Variants in RALGAPA1 observed in about 807,000 individuals in gnomAD.
The protein encoded by RALGAPA1 is Ral GTPase activating protein catalytic subunit alpha 1.
RALGAPA1 carries 52 observed loss-of-function variants against 269.6 expected under a neutral mutation model. The observed-to-expected ratio is 0.19, with a 90% CI of 0.15 to 0.24. The LOEUF is 0.24. Among genes scored for constraint, RALGAPA1 ranks in the 10% least tolerant of loss-of-function variants. The probability of loss-of-function intolerance (pLI) is 1.00; values close to 1 mark genes in which losing one functional copy is unlikely to be tolerated. For missense variants in RALGAPA1, 1,917 were observed against 3,013.9 expected, an observed-to-expected ratio of 0.64 and a Z score of 8.52; for synonymous variants, 817 against 1,008.3, an observed-to-expected ratio of 0.81 and a Z score of 3.60.
rs971514306 is a variant in RALGAPA1, at chr14:35,807,993, T to C, written c.106+737A>G. On this transcript the variant is annotated intron_variant, in intron 1 of 41. Transcript: ENST00000680220. ...TGGACCAGATGTTCCATAAGTATTA[T>C]TACAGCCTTTATCAGCCTACCAAAT... The C allele has an allele frequency of 2.6e-5, 4 of 152,192 alleles. No homozygotes were observed. In the East Asian group the frequency reaches 5.8e-4, roughly 22 times the overall value. The allele number at this position is 152,192 out of a possible 1,614,324, so 9.4% of individuals were successfully genotyped here. A position where few individuals can be genotyped will look rare whatever the true frequency, so the allele number is the denominator to read the frequency against.
At chr14:35,805,410 C>G (rs951303143) in intron 1 of RALGAPA1, among the ~76,000 whole-genome samples, 1 of 150,146 alleles carries the variant, frequency 6.7e-6, no homozygotes, top group Non-Finnish European at 1.5e-5. Context: ...CCACTGCATT[C>G]CAGCCTGGGT....
chr14:35,782,386 C>T (rs1279041715), intron 1 of RALGAPA1, among the ~76,000 whole-genome samples: 1 of 152,080 alleles, frequency 6.6e-6, no homozygotes, highest in Non-Finnish European at 1.5e-5. Flanking sequence ...TAGCAACAGC[C>T]CCCAAATATA....
At chr14:35,717,954 T>C (rs2068993579) in intron 16 of RALGAPA1, among the ~76,000 whole-genome samples, 1 of 152,172 alleles carries the variant, frequency 6.6e-6, no homozygotes, top group South Asian at 2.1e-4. Flanking sequence ...CCTCAAACAC[T>C]CAAAAGCCCT....
At chr14:35,741,079 C>T (rs1201733755) in intron 11 of RALGAPA1, among the ~76,000 whole-genome samples, 2 of 152,138 alleles carry the variant, frequency 1.3e-5, no homozygotes, top group Non-Finnish European at 2.9e-5. Flanking sequence ...ACACAACATA[C>T]CTAACATCAC....
chr14:35,605,434 G>A, intron 36 of RALGAPA1, 152 bp downstream of exon 36: 1 of 743,722 alleles, frequency 1.3e-6, no homozygotes, highest in African/African-American at 1.8e-5. Context: ...GCTGCTGTAT[G>A]TGCAGACAAA....
chr14:35,601,606 T>C lies in RALGAPA1; in HGVS notation c.7053+3980A>G, dbSNP rs138426792. The stretch of plus-strand genomic sequence containing the variant: ...GGTTGGTGCTTTTTGTTTGCACCCA[T>C]TGGTGTTTCTAGGTTGCTGACTTAT... On this transcript the variant is annotated intron_variant, in intron 36 of 41. Coordinates refer to ENST00000680220, the MANE Select transcript of RALGAPA1 (RefSeq NM_001346249.2). 2.3e-3 allele frequency among the ~76,000 whole-genome samples: 355 copies of C among 152,276 alleles called. 1 individual carries two copies. Among genetic ancestry groups the C allele is most frequent in the African/African-American group, 8.1e-3 (338 of 41,558 alleles).
In RALGAPA1 at chr14:35,742,571, GA is replaced by G; in HGVS notation, c.1252-7del. On this transcript the variant is annotated splice_polypyrimidine_tract_variant and splice_region_variant and intron_variant, in intron 10 of 41. Coordinates refer to ENST00000680220, the MANE Select transcript of RALGAPA1 (RefSeq NM_001346249.2). ...CAAATTGGTAATAAAAATGCCTAGGGAAAAAAAGGAGAATCAAGATAATGAT... is the reference window on the plus strand; with the variant it reads ...CAAATTGGTAATAAAAATGCCTAGGGAAAAAAGGAGAATCAAGATAATGAT... 3.5e-5 allele frequency: 55 copies of G among 1,591,338 alleles called. No homozygotes were observed. The highest frequency in any genetic ancestry group is 4.4e-5 in the Non-Finnish European group (51 of 1,162,540).
chr14:35,641,133 A>G (rs2062000982), intron 31 of RALGAPA1, among the ~76,000 whole-genome samples: 1 of 152,180 alleles, frequency 6.6e-6, no homozygotes, highest in Admixed American at 6.5e-5. Context: ...CACAGGTAGT[A>G]TCATTCTGAA....
intron 17 of RALGAPA1, among the ~76,000 whole-genome samples, chr14:35,694,029 T>C (rs1047293323): frequency 1.3e-5 from 2 of 151,932 alleles, no homozygotes; most frequent in Admixed American, 1.3e-4. Context: ...CTCTATTGAT[T>C]GAAAGAGGAC....
chr14:35,568,035 T>G (rs1422501938), intron 39 of RALGAPA1, among the ~76,000 whole-genome samples: 3 of 152,168 alleles, frequency 2.0e-5, no homozygotes. Context: ...ACAGAGTGGA[T>G]AAAATTTATG....
chr14:35,579,759 T>C (rs2057831455), intron 37 of RALGAPA1, among the ~76,000 whole-genome samples: 1 of 152,186 alleles, frequency 6.6e-6, no homozygotes, highest in Non-Finnish European at 1.5e-5. Flanking sequence ...GGAGTATATA[T>C]GTAAAAACTG....
intron 1 of RALGAPA1, among the ~76,000 whole-genome samples, chr14:35,800,134 T>C (rs1218080227): frequency 6.6e-6 from 1 of 152,174 alleles, no homozygotes; most frequent in African/African-American, 2.4e-5. Flanking sequence ...AAACCCACAA[T>C]TACAGTCAGA....
At chr14:35,709,788 T>C (rs2068134037) in intron 16 of RALGAPA1, among the ~76,000 whole-genome samples, 1 of 152,238 alleles carries the variant, frequency 6.6e-6, no homozygotes, top group South Asian at 2.1e-4. Flanking sequence ...TCTTGAAACA[T>C]CTTTGAACTG....
chr14:35,570,896 G>T, intron 38 of RALGAPA1, 152 bp from the exon 39 acceptor site: 1 of 717,106 alleles, frequency 1.4e-6, no homozygotes, highest in Non-Finnish European at 2.2e-6. Context: ...TCTTTTCTGT[G>T]ATGGGTCACT....
chr14:35,625,713 T>A (rs1466737210), intron 34 of RALGAPA1, among the ~76,000 whole-genome samples: 1 of 152,214 alleles, frequency 6.6e-6, no homozygotes, highest in East Asian at 1.9e-4. Flanking sequence ...GGAAAATGGA[T>A]AAAAGTACTT....
At chr14:35,801,447 T>C (rs2076974375) in intron 1 of RALGAPA1, among the ~76,000 whole-genome samples, 1 of 152,136 alleles carries the variant, frequency 6.6e-6, no homozygotes, top group Non-Finnish European at 1.5e-5. Context: ...TTTGTATTTT[T>C]AGTTCACACA....
At position 35,683,992 on chromosome 14, in the gene RALGAPA1, G is replaced by C; in HGVS notation, c.4295-7C>G. 6.2e-7 allele frequency: 1 copy of C among 1,603,848 alleles called. No individual in the cohort carries two copies. The highest frequency in any genetic ancestry group is 8.5e-7 in the Non-Finnish European group (1 of 1,174,810). On this transcript the variant is annotated splice_polypyrimidine_tract_variant and splice_region_variant and intron_variant, in intron 20 of 41. Coordinates refer to ENST00000680220, the MANE Select transcript of RALGAPA1 (RefSeq NM_001346249.2). ...TCGGTTCCAAAGCCAAAATCTATAG[G>C]AAGAAGAAATGTTATTATATGAGTC...
Position 35,572,591 on chromosome 14 carries a change from A to C in RALGAPA1, c.7337T>G (p.Met2446Arg), listed in dbSNP as rs1183584550. 6.2e-7 allele frequency: 1 copy of C among 1,604,578 alleles called. No homozygotes were observed. The highest frequency in any genetic ancestry group is 8.5e-7 in the Non-Finnish European group (1 of 1,176,298). Residue 2446 changes from methionine (M) to arginine (R), a missense_variant, in exon 38 of 42, where the codon ATG (methionine) becomes AGG (arginine). Physicochemically the swap from Met to Arg is moderately conservative, Grantham distance 91 (BLOSUM62 -1). This residue lies in a region of RALGAPA1 where 91 missense variants were observed against 130.9 expected (regional missense o/e 0.70). Coordinates refer to ENST00000680220, the MANE Select transcript of RALGAPA1 (RefSeq NM_001346249.2). ...TTTTTTCATTATCTGAATACTGAAC[A>C]TGTGATTTTTCATTGGATATATTAC... ...LIVIYPMKNH[M>R]FSIQIMKKPE...
intron 12 of RALGAPA1, among the ~76,000 whole-genome samples, chr14:35,729,091 T>TC (rs2070232516): frequency 1.3e-5 from 2 of 151,258 alleles, no homozygotes; most frequent in African/African-American, 4.9e-5. Flanking sequence ...TATAATAAAT[T>TC]GAAAAAAAAA....
Sources: gnomAD v4.1 joint callset for allele counts (sites outside exome capture counted in the v4.1 genomes callset) on GRCh38, gnomAD v4.1.1 for gene constraint, gnomAD v4.1.1 regional missense constraint, MANE v1.5 for transcripts, NCBI Gene and HGNC (gene_info 2026-07-23, HGNC 2026-07-21) for gene names.